TMEM135: variants seen among roughly 807,000 people sequenced by gnomAD.
TMEM135 encodes peroxisomal membrane protein 52.
In TMEM135, 30 loss-of-function variants were observed where a neutral mutation model predicts 60.3. The ratio of observed to expected loss-of-function variants is 0.50; its 90% confidence interval spans 0.37 to 0.68. The LOEUF (loss-of-function observed/expected upper bound fraction) is 0.68. TMEM135 is among the 30% of genes least tolerant of loss of function. The pLI, the probability that TMEM135 is intolerant of heterozygous loss-of-function variation, is 0.00. For synonymous variants in TMEM135, 190 were observed against 186.7 expected, an observed-to-expected ratio of 1.02 and a Z score of -0.14; for missense variants, 468 against 548.8, an observed-to-expected ratio of 0.85 and a Z score of 1.47.
intron 4 of TMEM135, among the ~76,000 whole-genome samples, chr11:87,127,705 G>A (rs73523031): frequency 0.022 from 3,366 of 152,262 alleles, 139 homozygotes; most frequent in African/African-American, 0.077. Context: ...CAGTGTTAGG[G>A]CTAGGTGTTG....
chr11:87,262,055 A>G (rs1450927291), intron 6 of TMEM135, among the ~76,000 whole-genome samples: 1 of 152,192 alleles, frequency 6.6e-6, no homozygotes, highest in African/African-American at 2.4e-5. Context: ...ATGTCAGTAC[A>G]TATCCTCATT....
At chr11:87,318,336 A>G (rs966856273) in intron 13 of TMEM135, 101 bp downstream of exon 13, 4 of 883,658 alleles carry the variant, frequency 4.5e-6, no homozygotes, top group Non-Finnish European at 5.5e-6. Flanking sequence ...TTCTATTTAC[A>G]GTATTACATT....
intron 6 of TMEM135, among the ~76,000 whole-genome samples, chr11:87,241,647 C>A (rs1251252389): frequency 6.6e-6 from 1 of 151,958 alleles, no homozygotes; most frequent in Non-Finnish European, 1.5e-5. Flanking sequence ...ACTCCACTAC[C>A]CTCCACCCTG....
chr11:87,100,447 TC>T (rs1188929396), intron 4 of TMEM135, among the ~76,000 whole-genome samples: 1 of 152,224 alleles, frequency 6.6e-6, no homozygotes, highest in African/African-American at 2.4e-5. Flanking sequence ...AGTAAACTTT[TC>T]TTATGACTTG....
At chr11:87,053,053 C>T (rs1241257099) in intron 1 of TMEM135, among the ~76,000 whole-genome samples, 3 of 131,060 alleles carry the variant, frequency 2.3e-5, no homozygotes, top group Non-Finnish European at 4.7e-5. Context: ...TCTCAGTAAA[C>T]TATCGCAAGA....
At position 87,040,424 on chromosome 11, in the gene TMEM135, C is replaced by T. The variant is rs186484087; in HGVS notation, c.141+2238C>T. On this transcript the variant is annotated intron_variant, in intron 1 of 14. Coordinates refer to ENST00000305494, the MANE Select transcript of TMEM135 (RefSeq NM_022918.4). ...CCATAATCCCAGCTCTTTGGGAGGC[C>T]GAGGTGTGTGGATCACCTGAGGTCA... 4.4e-4 allele frequency among the ~76,000 whole-genome samples: 67 copies of T among 152,224 alleles called. 1 individual carries two copies. In the Middle Eastern group the frequency reaches 0.024, roughly 54 times the overall value.
intron 6 of TMEM135, among the ~76,000 whole-genome samples, chr11:87,267,095 A>T (rs914573616): frequency 3.3e-5 from 5 of 152,192 alleles, no homozygotes; most frequent in Non-Finnish European, 7.3e-5. Flanking sequence ...AAATGGAAAG[A>T]ACTATGGAGC....
intron 1 of TMEM135, among the ~76,000 whole-genome samples, chr11:87,058,120 A>T (rs888297932): frequency 6.6e-6 from 1 of 152,190 alleles, no homozygotes; most frequent in African/African-American, 2.4e-5. Flanking sequence ...AACTGAGAGG[A>T]TGAAGCCTAC....
chr11:87,222,806 A>C (rs989358786), intron 5 of TMEM135, among the ~76,000 whole-genome samples: 1 of 150,536 alleles, frequency 6.6e-6, no homozygotes. Context: ...ACTGTCTCAA[A>C]AAAAAAGAAA....
chr11:87,123,823 A>C (rs583334), intron 4 of TMEM135, among the ~76,000 whole-genome samples: 72,446 of 151,918 alleles, frequency 0.48, 17,565 homozygotes, highest in East Asian at 0.67. Context: ...TGCTGGGTTT[A>C]TTGACATCTT....
chr11:87,096,578 A>T (rs982301596), intron 4 of TMEM135: 2 of 152,258 alleles, frequency 1.3e-5, no homozygotes, highest in Non-Finnish European at 2.9e-5. Context: ...TACTTAATAC[A>T]CAGTCACCTT....
At chr11:87,044,982 T>G (rs1183158775) in intron 1 of TMEM135, among the ~76,000 whole-genome samples, 1 of 151,240 alleles carries the variant, frequency 6.6e-6, no homozygotes, top group East Asian at 2.0e-4. Context: ...AATTGAATAA[T>G]GGGTTTTCCT....
At chr11:87,219,498 G>T (rs1347228612) in intron 5 of TMEM135, among the ~76,000 whole-genome samples, 1 of 152,114 alleles carries the variant, frequency 6.6e-6, no homozygotes, top group Admixed American at 6.6e-5. Context: ...GGGAGAGTGA[G>T]AGAGTGAGAG....
intron 5 of TMEM135, among the ~76,000 whole-genome samples, chr11:87,174,129 A>G (rs541759526): frequency 2.6e-5 from 4 of 152,300 alleles, no homozygotes; most frequent in African/African-American, 9.6e-5. Flanking sequence ...TTAGTTGAGC[A>G]GAAGTCCCAC....
chr11:87,092,979 G>A (rs1857243702), intron 4 of TMEM135, among the ~76,000 whole-genome samples: 1 of 151,840 alleles, frequency 6.6e-6, no homozygotes, highest in African/African-American at 2.4e-5. Flanking sequence ...AGAATTCATG[G>A]TTAGTTCTGG....
intron 1 of TMEM135, 74 bp downstream of exon 1, chr11:87,038,260 G>T: frequency 6.3e-7 from 1 of 1,598,712 alleles, no homozygotes. Context: ...TGGTGCTCCC[G>T]AGGGGCTCTG....
intron 5 of TMEM135, among the ~76,000 whole-genome samples, chr11:87,167,148 C>T (rs477062): frequency 6.6e-6 from 1 of 151,838 alleles, no homozygotes; most frequent in African/African-American, 2.4e-5. Context: ...ATTTTTGCAC[C>T]TTGATTTTGT....
At chr11:87,254,506 A>G (rs1262206480) in intron 6 of TMEM135, among the ~76,000 whole-genome samples, 1 of 152,192 alleles carries the variant, frequency 6.6e-6, no homozygotes, top group Non-Finnish European at 1.5e-5. Context: ...GTGGCTATGA[A>G]AAGTTAGAAC....
chr11:87,141,806 T>A (rs542719797), intron 4 of TMEM135, among the ~76,000 whole-genome samples: 4 of 152,120 alleles, frequency 2.6e-5, no homozygotes, highest in African/African-American at 9.6e-5. Flanking sequence ...TTTAATATTT[T>A]AAAAAAGTAA....
Sources: gnomAD v4.1 joint callset for allele counts (sites outside exome capture counted in the v4.1 genomes callset) on GRCh38, gnomAD v4.1.1 for gene constraint, MANE v1.5 for transcripts, NCBI Gene and HGNC (gene_info 2026-07-23, HGNC 2026-07-21) for gene names.